Variants in MEGF9 observed in about 807,000 individuals in gnomAD.
MEGF9 encodes multiple EGF like domains 9, also known as multiple epidermal growth factor-like domains protein 9.
In MEGF9, 6 loss-of-function variants were observed where a neutral mutation model predicts 46.8. The ratio of observed to expected loss-of-function variants is 0.13; its 90% CI spans 0.07 to 0.25. MEGF9 has a LOEUF of 0.25. MEGF9 is among the 10% of genes least tolerant of loss of function. The probability of loss-of-function intolerance (pLI) is 1.00; values close to 1 mark genes in which losing one functional copy is unlikely to be tolerated. For missense variants in MEGF9, 683 were observed against 792.4 expected (o/e 0.86, Z 1.66); for synonymous variants, 302 against 330.7 (o/e 0.91, Z 0.94).
intron 1 of MEGF9, among the ~76,000 whole-genome samples, chr9:120,689,725 T>C (rs900175530): frequency 2.6e-5 from 4 of 152,152 alleles, no homozygotes; most frequent in Non-Finnish European, 5.9e-5. Context: ...GAATTATCAT[T>C]GTCTCTTACT....
rs577264044 is a variant in MEGF9 at position 120,657,115 on chromosome 9, C to T, written c.803+2259G>A. Among the ~76,000 whole-genome samples the T allele has an allele frequency of 2.0e-5, 3 of 152,216 alleles. No individual in the cohort carries two copies. The South Asian group carries it at 6.2e-4, about 32-fold the overall frequency. On this transcript the variant is annotated intron_variant, in intron 2 of 5. Coordinates refer to ENST00000373930, the MANE Select transcript of MEGF9 (RefSeq NM_001080497.3). ...CTCTATCACAACTAGTCAATGCTGC[C>T]ACTATAGCACAAAAGCAGCCATAGA...
chr9:120,629,618 G>A (rs2043541789), intron 2 of MEGF9, among the ~76,000 whole-genome samples: 1 of 151,776 alleles, frequency 6.6e-6, no homozygotes, highest in Non-Finnish European at 1.5e-5. Context: ...TCCAGCCTGG[G>A]TGACAGAGTG....
At chr9:120,668,159 G>T (rs1259385265) in intron 1 of MEGF9, among the ~76,000 whole-genome samples, 1 of 152,152 alleles carries the variant, frequency 6.6e-6, no homozygotes, top group African/African-American at 2.4e-5. Flanking sequence ...TGAAGAAAAG[G>T]AATCTCAGAA....
intron 1 of MEGF9, among the ~76,000 whole-genome samples, chr9:120,662,836 C>T (rs1261600426): frequency 2.6e-5 from 4 of 152,174 alleles, no homozygotes; most frequent in African/African-American, 7.2e-5. Context: ...CTTTGAATAA[C>T]GTCTGGGAAA....
At chr9:120,637,958 G>T (rs2043586137) in intron 2 of MEGF9, among the ~76,000 whole-genome samples, 1 of 152,000 alleles carries the variant, frequency 6.6e-6, no homozygotes, top group South Asian at 2.1e-4. Context: ...TGTAACCATT[G>T]TAAAAGAGAT....
intron 2 of MEGF9, among the ~76,000 whole-genome samples, chr9:120,623,546 T>C (rs1281352546): frequency 6.6e-6 from 1 of 152,198 alleles, no homozygotes; most frequent in Non-Finnish European, 1.5e-5. Context: ...GATCATAGTA[T>C]AGGAGATGTT....
At position 120,607,982 on chromosome 9, in the gene MEGF9, G is replaced by A; in HGVS notation, c.1116C>T (p.Asp372=). ...IKSSELEPEC[D]QCKDGYIGPN... ...GGCCTATGTAACCATCTTTACACTGGTCACATTCAGGTTCCAATTCACTCG... is the reference window on the plus strand; with the variant it reads ...GGCCTATGTAACCATCTTTACACTGATCACATTCAGGTTCCAATTCACTCG... Residue 372 remains aspartate (D), a synonymous_variant, in exon 5 of 6, where the codon GAC becomes GAT. Coordinates refer to ENST00000373930, the MANE Select transcript of MEGF9 (RefSeq NM_001080497.3). 1 of 1,613,896 alleles carries A rather than the reference G, an allele frequency of 6.2e-7. No individual in the cohort carries two copies. Among genetic ancestry groups the A allele is most frequent in the Non-Finnish European group, 8.5e-7 (1 of 1,179,854 alleles).
At chr9:120,616,085 G>C (rs1043115514) in intron 3 of MEGF9, among the ~76,000 whole-genome samples, 7 of 152,188 alleles carry the variant, frequency 4.6e-5, no homozygotes, top group African/African-American at 1.7e-4. Context: ...AGCCCTTTCA[G>C]AGTTTTTCTC....
Position 120,713,971 on chromosome 9 carries a change from C to T in MEGF9, c.388G>A (p.Ala130Thr). The change falls in exon 1 of 6, where the codon GCG becomes ACG. Residue 130 changes from alanine (A) to threonine (T), a missense_variant. By Grantham distance (58) the Ala-to-Thr change is moderately conservative. This residue lies in a region of MEGF9 where 370 missense variants were observed against 371.3 expected (regional missense o/e 1.00). Transcript: ENST00000373930. ...LGPSPTTPPA[A>T]ERTSTTSQAP... The stretch of plus-strand genomic sequence containing the variant: ...TGAGAGGTGGTCGAAGTGCGTTCCG[C>T]CGCCGGAGGGGTGGTCGGCGAGGGG... 7.3e-7 allele frequency: 1 copy of T among 1,378,948 alleles called. No individual in the cohort carries two copies. Among genetic ancestry groups the T allele is most frequent in the Non-Finnish European group, 9.4e-7 (1 of 1,061,714 alleles). 85.4% of individuals were successfully genotyped at this position (1,378,948 alleles called of 1,614,324 possible).
At chr9:120,660,009 T>A (rs2043695165) in intron 1 of MEGF9, among the ~76,000 whole-genome samples, 1 of 150,758 alleles carries the variant, frequency 6.6e-6, no homozygotes, top group Admixed American at 6.7e-5. Context: ...ATAGCTAGAA[T>A]CATAAGCTAA....
intron 1 of MEGF9, among the ~76,000 whole-genome samples, chr9:120,700,943 T>A (rs926874216): frequency 1.3e-5 from 2 of 150,370 alleles, no homozygotes; most frequent in African/African-American, 4.9e-5. Flanking sequence ...TAATAATAAT[T>A]AATTTAAAAA....
intron 5 of MEGF9, 65 bp downstream of exon 5, chr9:120,607,676 A>G: frequency 1.9e-6 from 3 of 1,549,720 alleles, no homozygotes; most frequent in Non-Finnish European, 2.7e-6. Flanking sequence ...AGGTTTTACA[A>G]AGCCTTCCAT....
intron 1 of MEGF9, among the ~76,000 whole-genome samples, chr9:120,671,107 T>A (rs1016820128): frequency 4.5e-4 from 68 of 152,354 alleles, no homozygotes; most frequent in African/African-American, 1.6e-3. Flanking sequence ...TTGCAGCATG[T>A]GACATACTGA....
rs116771726 is a variant in MEGF9 at position 120,682,756 on chromosome 9, T to C, written c.602-23181A>G. 3.5e-3 allele frequency among the ~76,000 whole-genome samples: 531 copies of C among 152,294 alleles called. 6 individuals are homozygous for C. Among genetic ancestry groups the C allele is most frequent in the African/African-American group, 0.012 (508 of 41,566 alleles). ...AGCCACCATCCCCAGCTAATGTTTT[T>C]ATTTTTTGTAGAGACAGGATCTTGC... On this transcript the variant is annotated intron_variant, in intron 1 of 5. Transcript: ENST00000373930.
rs1301662653 is a variant in MEGF9, at chr9:120,605,593, G to A, written c.1406C>T (p.Ala469Val). 2 of 1,599,864 alleles carry A rather than the reference G, an allele frequency of 1.3e-6. No individual in the cohort carries two copies. The highest frequency in any genetic ancestry group is 3.5e-5 in the Admixed American group (2 of 56,978). Residue 469 changes from alanine to valine, a missense_variant, in exon 6 of 6, where the codon GCC becomes GTC. Transcript: ENST00000373930. The surrounding 1 kb of genome is among the most constrained non-coding windows in gnomAD (Gnocchi z 4.0). Reference protein sequence around the residue: ...PEGSTILVSNASLTTSVPTPV... With the variant: ...PEGSTILVSNVSLTTSVPTPV... ...GGTGGGCACTGATGTGGTCAAAGAG[G>A]CATTGGAAACCAAAATGGTAGAACC...
At chr9:120,680,391 G>A (rs895618684) in intron 1 of MEGF9, among the ~76,000 whole-genome samples, 20 of 152,264 alleles carry the variant, frequency 1.3e-4, no homozygotes, top group Admixed American at 2.0e-4. Flanking sequence ...TACAGGTACC[G>A]CCTTGTTGGT....
chr9:120,603,282 C>T lies in MEGF9; in HGVS notation c.*1908G>A, dbSNP rs1329951110. On this transcript the variant is annotated 3_prime_UTR_variant, in exon 6 of 6. Coordinates refer to ENST00000373930, the MANE Select transcript of MEGF9 (RefSeq NM_001080497.3). ...GGGGGCTATGGTGTGGAAGAGAGGA[C>T]ACACATATGGAAAAGTGCTTTGCAA... 6.6e-6 allele frequency: 1 copy of T among 152,164 alleles called. No individual in the cohort carries two copies. Among genetic ancestry groups the T allele is most frequent in the Non-Finnish European group, 1.5e-5 (1 of 68,034 alleles). The allele number at this position is 152,164 out of a possible 1,614,324, so 9.4% of individuals were successfully genotyped here. A position where few individuals can be genotyped will look rare whatever the true frequency, so the allele number is the denominator to read the frequency against.
intron 2 of MEGF9, among the ~76,000 whole-genome samples, chr9:120,646,444 G>A (rs1319293945): frequency 6.6e-6 from 1 of 152,204 alleles, no homozygotes; most frequent in East Asian, 1.9e-4. Context: ...TCTTCAGTAA[G>A]CCCATCTCTG....
chr9:120,674,574 CTCTTT>C (rs2043764417), intron 1 of MEGF9, among the ~76,000 whole-genome samples: 1 of 151,594 alleles, frequency 6.6e-6, no homozygotes, highest in Admixed American at 6.6e-5. Flanking sequence ...TCTTCTCTCT[CTCTTT>C]TTTTTTTGAG....
Sources: allele counts gnomAD v4.1 joint callset (sites outside exome capture counted in the v4.1 genomes callset), GRCh38; gene constraint gnomAD v4.1.1; regional missense constraint gnomAD v4.1.1; non-coding constraint Gnocchi (gnomAD v3.1); transcripts MANE v1.5; gene names NCBI Gene and HGNC (gene_info 2026-07-23, HGNC 2026-07-21).